Variants in KDM7A observed in about 807,000 individuals in gnomAD.
KDM7A encodes the protein lysine demethylase 7A, also known as lysine-specific demethylase 7A.
KDM7A carries 28 observed loss-of-function variants against 114.8 expected under a neutral mutation model. That is an observed-to-expected ratio of 0.24 (90% CI 0.18 to 0.33). The LOEUF (loss-of-function observed/expected upper bound fraction) is 0.33. Ranked by LOEUF, KDM7A falls within the 10% of genes least tolerant of loss-of-function variation. The pLI is 1.00. For synonymous variants in KDM7A, 423 were observed against 397.8 expected (o/e 1.06, Z -0.75); for missense variants, 942 against 1,142.5 (o/e 0.82, Z 2.53).
At chr7:140,100,081 T>G (rs1015676773) in intron 12 of KDM7A, 58 bp from the exon 13 acceptor site, 23 of 1,586,524 alleles carry the variant, frequency 1.4e-5, no homozygotes, top group African/African-American at 2.7e-5. Context: ...CCTGTTCGAC[T>G]GATGGAATAC....
chr7:140,135,433 C>T (rs541612149), intron 2 of KDM7A, among the ~76,000 whole-genome samples: 1 of 152,220 alleles, frequency 6.6e-6, no homozygotes, highest in Non-Finnish European at 1.5e-5. Context: ...GATCTCCTGA[C>T]CTTGTGATCC....
intron 1 of KDM7A, among the ~76,000 whole-genome samples, chr7:140,174,536 G>C (rs1029035037): frequency 6.6e-6 from 1 of 152,200 alleles, no homozygotes; most frequent in Non-Finnish European, 1.5e-5. Context: ...CCTAAATTAA[G>C]ATAAATACAA....
chr7:140,095,284 T>C (rs1285277020), intron 17 of KDM7A, among the ~76,000 whole-genome samples: 1 of 152,186 alleles, frequency 6.6e-6, no homozygotes, highest in Non-Finnish European at 1.5e-5. Flanking sequence ...ATAGAAGTGT[T>C]CTCTTTCAAG....
At chr7:140,105,857 A>C (rs1361072427) in intron 11 of KDM7A, among the ~76,000 whole-genome samples, 2 of 152,232 alleles carry the variant, frequency 1.3e-5, no homozygotes, top group Non-Finnish European at 2.9e-5. Flanking sequence ...TAGTTTCAAA[A>C]GGAATGGTAC....
chr7:140,176,754 A>G lies in KDM7A; in HGVS notation c.184T>C (p.Phe62Leu). 1 of 1,365,468 alleles carries G rather than the reference A, an allele frequency of 7.3e-7. No homozygotes were observed. The highest frequency in any genetic ancestry group is 9.7e-7 in the Non-Finnish European group (1 of 1,033,136). 84.6% of individuals were successfully genotyped at this position (1,365,468 alleles called of 1,614,324 possible). The change falls in exon 1 of 20, where the codon TTC becomes CTC. Residue 62 changes from phenylalanine to leucine, a missense_variant. Phe to Leu is a conservative substitution (Grantham distance 22). Transcript: ENST00000397560. The surrounding 1 kb of genome is among the most constrained non-coding windows in gnomAD (Gnocchi z 4.4). ...MIECDICKDW[F>L]HGSCVGVEEH... is the part of the protein sequence containing the mutation. ...AGGGGGTTTATTTACCTGCCGTGGAACCAGTCCTTGCAGATATCGCACTCG... is the reference window on the plus strand; with the variant it reads ...AGGGGGTTTATTTACCTGCCGTGGAGCCAGTCCTTGCAGATATCGCACTCG...
chr7:140,125,007 G>C (rs1350993697), intron 6 of KDM7A, among the ~76,000 whole-genome samples: 1 of 152,104 alleles, frequency 6.6e-6, no homozygotes, highest in Non-Finnish European at 1.5e-5. Context: ...AGTCAATAAA[G>C]TAGTGTTGAA....
chr7:140,102,873 A>G (rs1818255826), intron 11 of KDM7A, among the ~76,000 whole-genome samples: 1 of 152,264 alleles, frequency 6.6e-6, no homozygotes, highest in African/African-American at 2.4e-5. Flanking sequence ...TAAATATTCT[A>G]TAAGCATATC....
chr7:140,124,778 C>T lies in KDM7A; in HGVS notation c.894G>A (p.Glu298=). 6.2e-7 allele frequency: 1 copy of T among 1,601,790 alleles called. No homozygotes were observed. ...TTGGCTTTATTAAATAAAAAATCTT[C>T]TCACCCTAAAAGGAAGTATCATACT... The part of the protein sequence containing the change: ...TSVWYHVLWG[E]KIFYLIKPTD... Residue 298 remains glutamate (E), a synonymous_variant, in exon 7 of 20, where the codon GAG becomes GAA. Coordinates refer to ENST00000397560, the MANE Select transcript of KDM7A (RefSeq NM_030647.2).
intron 9 of KDM7A, 128 bp downstream of exon 9, chr7:140,118,985 T>C (rs188112031): frequency 1.8e-6 from 1 of 554,276 alleles, no homozygotes; most frequent in African/African-American, 1.8e-5. Context: ...AAACCACTTA[T>C]TTAAAAAACA....
intron 1 of KDM7A, among the ~76,000 whole-genome samples, chr7:140,142,964 G>A (rs1033262249): frequency 2.0e-5 from 3 of 151,842 alleles, no homozygotes; most frequent in Non-Finnish European, 2.9e-5. Flanking sequence ...GGCGGATCAC[G>A]AGGTCAGGAG....
chr7:140,132,112 G>A (rs567471060), intron 3 of KDM7A, among the ~76,000 whole-genome samples: 1 of 152,234 alleles, frequency 6.6e-6, no homozygotes, highest in South Asian at 2.1e-4. Flanking sequence ...CTTAAAATAG[G>A]GGAGGGGAAA....
At chr7:140,129,806 T>C (rs1241198982) in intron 3 of KDM7A, among the ~76,000 whole-genome samples, 153 bp from the exon 4 acceptor site, 1 of 152,232 alleles carries the variant, frequency 6.6e-6, no homozygotes, top group Non-Finnish European at 1.5e-5. Context: ...AAATGTTTTG[T>C]AAATCTCCTT....
At chr7:140,103,876 G>C (rs549066871) in intron 11 of KDM7A, among the ~76,000 whole-genome samples, 3 of 152,272 alleles carry the variant, frequency 2.0e-5, no homozygotes, top group Non-Finnish European at 4.4e-5. Flanking sequence ...GATCCCTGAG[G>C]AATCGCCACA....
chr7:140,084,905 T>C lies in KDM7A; in HGVS notation c.*6189A>G, dbSNP rs1817897647. ...ATTTCAATATTTTAAAATACAGAAA[T>C]TGGAAAGAATACTAAATACAACTTT... On this transcript the variant is annotated 3_prime_UTR_variant, in exon 20 of 20. Transcript: ENST00000397560. 1 of 152,200 alleles carries C rather than the reference T, an allele frequency of 6.6e-6. No individual in the cohort carries two copies. The highest frequency in any genetic ancestry group is 1.5e-5 in the Non-Finnish European group (1 of 68,036). 9.4% of individuals were successfully genotyped at this position (152,200 alleles called of 1,614,324 possible).
chr7:140,123,803 C>T (rs1207920808), intron 7 of KDM7A, among the ~76,000 whole-genome samples: 4 of 152,046 alleles, frequency 2.6e-5, no homozygotes, highest in Admixed American at 1.3e-4. Context: ...GTATGCCGGC[C>T]GGGCGTGGAG....
At chr7:140,114,656 G>T (rs902250386) in intron 9 of KDM7A, among the ~76,000 whole-genome samples, 2 of 151,758 alleles carry the variant, frequency 1.3e-5, no homozygotes, top group Non-Finnish European at 2.9e-5. Context: ...GAGCCCCTCT[G>T]CCCGGCTGCC....
intron 1 of KDM7A, among the ~76,000 whole-genome samples, chr7:140,162,679 T>C (rs1457193419): frequency 2.0e-5 from 3 of 152,154 alleles, no homozygotes; most frequent in African/African-American, 7.2e-5. Flanking sequence ...TTTTAAACTA[T>C]GACTACAGAT....
chr7:140,171,569 TTA>T (rs894016570), intron 1 of KDM7A, among the ~76,000 whole-genome samples: 2,929 of 110,224 alleles, frequency 0.027, 38 homozygotes, highest in Non-Finnish European at 0.028. Flanking sequence ...TTTTATATAT[TTA>T]TATATATATA....
chr7:140,171,571 A>ATTTTTATATATT, intron 1 of KDM7A, among the ~76,000 whole-genome samples: 1 of 51,814 alleles, frequency 1.9e-5, no homozygotes, highest in East Asian at 3.5e-4. Context: ...TTATATATTT[A>ATTTTTATATATT]TATATATATA....
Sources: allele counts gnomAD v4.1 joint callset (sites outside exome capture counted in the v4.1 genomes callset), GRCh38; gene constraint gnomAD v4.1.1; non-coding constraint Gnocchi (gnomAD v3.1); transcripts MANE v1.5; gene names NCBI Gene and HGNC (gene_info 2026-07-23, HGNC 2026-07-21).